RWDD1: variants seen among roughly 807,000 people sequenced by gnomAD.
The protein encoded by RWDD1 is RWD domain-containing protein 1.
Under a neutral mutation model 31.6 loss-of-function variants are expected in RWDD1, and 17 were observed. The observed-to-expected ratio is 0.54, with a 90% CI of 0.37 to 0.81. RWDD1 has a LOEUF of 0.81. Among genes scored for constraint, RWDD1 ranks in the 30% least tolerant of loss-of-function variants. RWDD1 has a pLI of 0.00. For synonymous variants in RWDD1, 78 were observed against 94.2 expected, an observed-to-expected ratio of 0.83 and a Z score of 0.99; for missense variants, 204 against 274.5, an observed-to-expected ratio of 0.74 and a Z score of 1.82.
At chr6:116,574,999 G>T (rs537804398) in intron 1 of RWDD1, among the ~76,000 whole-genome samples, 2 of 151,804 alleles carry the variant, frequency 1.3e-5, no homozygotes, top group African/African-American at 4.8e-5. Context: ...CAAACTCTTG[G>T]CCTCAAGCGA....
chr6:116,580,367 C>G lies in RWDD1; in HGVS notation c.139+7C>G. Reference sequence around the variant, plus strand: ...GCTGGAGAAAATGATGAAAGTAAGTCTTATAAAAAATACTTGTGGTTTTTC... The same window carrying G: ...GCTGGAGAAAATGATGAAAGTAAGTGTTATAAAAAATACTTGTGGTTTTTC... On this transcript the variant is annotated splice_region_variant and intron_variant, in intron 2 of 6. Transcript: ENST00000466444. The G allele has an allele frequency of 6.3e-7, 1 of 1,582,188 alleles. No individual in the cohort carries two copies. Among genetic ancestry groups the G allele is most frequent in the Non-Finnish European group, 8.6e-7 (1 of 1,159,146 alleles).
chr6:116,577,923 A>T (rs7757528), intron 1 of RWDD1, among the ~76,000 whole-genome samples: 27,858 of 152,062 alleles, frequency 0.18, 2,713 homozygotes, highest in East Asian at 0.29. Context: ...CTTATTCCCT[A>T]TATATATCTT....
intron 4 of RWDD1, among the ~76,000 whole-genome samples, chr6:116,589,498 A>C (rs1775101574): frequency 6.6e-6 from 1 of 152,196 alleles, no homozygotes; most frequent in African/African-American, 2.4e-5. Flanking sequence ...AATCCCCTAT[A>C]CTACAGTGAA....
intron 1 of RWDD1, 143 bp downstream of exon 1, chr6:116,571,798 T>A: frequency 1.7e-6 from 1 of 588,292 alleles, no homozygotes; most frequent in Non-Finnish European, 2.9e-6. Flanking sequence ...CTCCTCAAGT[T>A]CTTCAGTCAC....
chr6:116,588,447 C>T (rs1312053848), intron 3 of RWDD1, among the ~76,000 whole-genome samples: 1 of 152,072 alleles, frequency 6.6e-6, no homozygotes, highest in Non-Finnish European at 1.5e-5. Context: ...AGATAAACTA[C>T]AGTATTTCTT....
In RWDD1 at chr6:116,571,626, T is replaced by C. The variant is rs1308141846; in HGVS notation, c.44T>C (p.Leu15Pro). The C allele has an allele frequency of 6.2e-7, 1 of 1,613,706 alleles. No individual in the cohort carries two copies. Among genetic ancestry groups the C allele is most frequent in the Admixed American group, 1.7e-5 (1 of 59,958 alleles). ...GAGCAGCGCAACGAGCTGGAGGCCCTGGAGTCCATCTACCCTGACTCCTTC... is the reference window on the plus strand; with the variant it reads ...GAGCAGCGCAACGAGCTGGAGGCCCCGGAGTCCATCTACCCTGACTCCTTC... ...GEEQRNELEALESIYPDSFTV... is the reference protein window; with the variant it reads ...GEEQRNELEAPESIYPDSFTV... The change falls in exon 1 of 7, where the codon CTG becomes CCG. Residue 15 changes from leucine to proline, a missense_variant. Physicochemically the swap from Leu to Pro is moderately conservative, Grantham distance 98. Coordinates refer to ENST00000466444, the MANE Select transcript of RWDD1 (RefSeq NM_015952.4).
At chr6:116,580,199 A>T in intron 1 of RWDD1, 96 bp from the exon 2 acceptor site, 1 of 684,856 alleles carries the variant, frequency 1.5e-6, no homozygotes, top group East Asian at 2.9e-5. Flanking sequence ...TAGCCTAGGG[A>T]CCAGTTTCTA....
At position 116,571,623 on chromosome 6, in the gene RWDD1, C is replaced by T. The variant is rs757444625; in HGVS notation, c.41C>T (p.Ala14Val). ...YGEEQRNELE[A>V]LESIYPDSFT... ...GAGGAGCAGCGCAACGAGCTGGAGG[C>T]CCTGGAGTCCATCTACCCTGACTCC... Residue 14 changes from alanine to valine, a missense_variant, in exon 1 of 7, where the codon GCC becomes GTC. Coordinates refer to ENST00000466444, the MANE Select transcript of RWDD1 (RefSeq NM_015952.4). The T allele has an allele frequency of 7.4e-6, 12 of 1,613,580 alleles. No homozygotes were observed. The highest frequency in any genetic ancestry group is 1.0e-5 in the Non-Finnish European group (12 of 1,179,904).
At chr6:116,576,976 A>C (rs1774856948) in intron 1 of RWDD1, among the ~76,000 whole-genome samples, 1 of 152,226 alleles carries the variant, frequency 6.6e-6, no homozygotes. Context: ...TTCATTGCCC[A>C]CTTTATTCCC....
intron 1 of RWDD1, among the ~76,000 whole-genome samples, chr6:116,578,936 C>A (rs1056841826): frequency 2.7e-4 from 41 of 152,030 alleles, no homozygotes; most frequent in African/African-American, 9.7e-4. Context: ...AGTGCAGTGG[C>A]GCAATCTTGG....
At position 116,584,833 on chromosome 6, in the gene RWDD1, C is replaced by CCT. The variant is rs768420550; in HGVS notation, c.246_247insCT (p.Ile83LeufsTer3). The CCT allele has an allele frequency of 1.9e-6, 3 of 1,591,444 alleles. No homozygotes were observed. Among genetic ancestry groups the CCT allele is most frequent in the Non-Finnish European group, 2.6e-6 (3 of 1,159,764 alleles). On this transcript the variant is annotated frameshift_variant, in exon 3 of 7. Coordinates refer to ENST00000466444, the MANE Select transcript of RWDD1 (RefSeq NM_015952.4). LOFTEE classifies it high-confidence loss of function. The stretch of plus-strand genomic sequence containing the variant: ...ATCTAGAAGATAATGATGTCTCAGA[C>CCT]ATTTTAAAATTACTAGCATTACAGG...
intron 1 of RWDD1, among the ~76,000 whole-genome samples, chr6:116,578,957 C>G (rs1774901674): frequency 6.6e-6 from 1 of 152,074 alleles, no homozygotes; most frequent in Non-Finnish European, 1.5e-5. Flanking sequence ...CTCACTGCAA[C>G]CTCTGCCTCC....
At position 116,590,965 on chromosome 6, in the gene RWDD1, G is replaced by T. The variant is rs1775133866; in HGVS notation, c.610+15G>T. The T allele has an allele frequency of 1.3e-6, 2 of 1,561,150 alleles. No individual in the cohort carries two copies. The highest frequency in any genetic ancestry group is 1.7e-6 in the Non-Finnish European group (2 of 1,163,388). On this transcript the variant is annotated intron_variant, in intron 6 of 6. Transcript: ENST00000466444. ...CTTGGAGGATGGTAAGATAATAGTA[G>T]AATTCCACATGTGGGACAGGCACAG...
intron 4 of RWDD1, 90 bp from the exon 5 acceptor site, chr6:116,590,179 AAGG>A (rs1251899700): frequency 3.4e-6 from 2 of 584,756 alleles, no homozygotes. Context: ...TTTTTCTTAT[AAGG>A]GGTTATATTG....
chr6:116,578,310 G>A (rs1470372387), intron 1 of RWDD1, among the ~76,000 whole-genome samples: 1 of 152,060 alleles, frequency 6.6e-6, no homozygotes, highest in Non-Finnish European at 1.5e-5. Context: ...TTCTTTCTTA[G>A]TGGTATGTAA....
At chr6:116,582,642 A>C (rs1774967100) in intron 2 of RWDD1, among the ~76,000 whole-genome samples, 1 of 151,966 alleles carries the variant, frequency 6.6e-6, no homozygotes, top group Admixed American at 6.6e-5. Flanking sequence ...TCAGTTATAA[A>C]ATATCTTCTT....
Position 116,594,199 on chromosome 6 carries a change from G to T in RWDD1, c.*1098G>T, listed in dbSNP as rs1201418444. The stretch of plus-strand genomic sequence containing the variant: ...GGAAGGCATTAATCTATTTATGAGG[G>T]ATCTACCTGCTATAACCCAAACACC... On this transcript the variant is annotated 3_prime_UTR_variant, in exon 7 of 7. Coordinates refer to ENST00000466444, the MANE Select transcript of RWDD1 (RefSeq NM_015952.4). The T allele has an allele frequency of 6.6e-6, 1 of 151,420 alleles. No homozygotes were observed. The highest frequency in any genetic ancestry group is 2.4e-5 in the African/African-American group (1 of 41,112). The allele number at this position is 151,420 out of a possible 1,614,324, so 9.4% of individuals were successfully genotyped here. A position where few individuals can be genotyped will look rare whatever the true frequency, so the allele number is the denominator to read the frequency against.
Position 116,571,526 on chromosome 6 carries a change from G to A in RWDD1, c.-57G>A. The A allele has an allele frequency of 6.4e-7, 1 of 1,569,664 alleles. No individual in the cohort carries two copies. The highest frequency in any genetic ancestry group is 1.1e-5 in the South Asian group (1 of 87,422). The stretch of plus-strand genomic sequence containing the variant: ...GCTCTCCCGGCGCGGCAGCTGTCTG[G>A]GCTGCTGCGCGCCGCCTAGGTGTCT... On this transcript the variant is annotated 5_prime_UTR_variant, in exon 1 of 7. Transcript: ENST00000466444.
intron 3 of RWDD1, among the ~76,000 whole-genome samples, chr6:116,586,096 C>G (rs1446512606): frequency 6.6e-6 from 1 of 152,186 alleles, no homozygotes; most frequent in Admixed American, 6.5e-5. Context: ...CAAACTGTCT[C>G]TTTTCAAAAA....
Sources: gnomAD v4.1 joint callset for allele counts (sites outside exome capture counted in the v4.1 genomes callset) on GRCh38, gnomAD v4.1.1 for gene constraint, MANE v1.5 for transcripts, NCBI Gene and HGNC (gene_info 2026-07-23, HGNC 2026-07-21) for gene names.